SPATA6: variants seen among roughly 807,000 people sequenced by gnomAD.
SPATA6 encodes the protein spermatogenesis associated 6, also known as spermatogenesis-associated protein 6.
Under a neutral mutation model 65.3 loss-of-function variants are expected in SPATA6, and 56 were observed. The ratio of observed to expected loss-of-function variants is 0.86; its 90% CI spans 0.69 to 1.07. The LOEUF is 1.07. Among genes scored for constraint, SPATA6 ranks in the 50% least tolerant of loss-of-function variants. The pLI is 0.00. For synonymous variants in SPATA6, 199 were observed against 213.2 expected (o/e 0.93, Z 0.58); for missense variants, 590 against 594.8 (o/e 0.99, Z 0.08).
intron 11 of SPATA6, among the ~76,000 whole-genome samples, chr1:48,306,776 C>A (rs1479074558): frequency 6.6e-6 from 1 of 151,766 alleles, no homozygotes; most frequent in Non-Finnish European, 1.5e-5. Flanking sequence ...AGGAAGAGAG[C>A]ATTATGTGTA....
At chr1:48,416,534 ATATTT>A (rs1297640144) in intron 3 of SPATA6, among the ~76,000 whole-genome samples, 1 of 152,202 alleles carries the variant, frequency 6.6e-6, no homozygotes, top group Non-Finnish European at 1.5e-5. Flanking sequence ...CAAATAAATA[ATATTT>A]TATTTAAAAC....
At chr1:48,325,305 G>T (rs1645723068) in intron 11 of SPATA6, 1 of 1,132,488 alleles carries the variant, frequency 8.8e-7, no homozygotes, top group Non-Finnish European at 1.3e-6. Context: ...CTGGGAGCCT[G>T]CTTCACTGTG....
rs1569960917 is a variant in SPATA6 at position 48,297,811 on chromosome 1, T to G, written c.*902A>C. ...TACCACAAAGCGTTCTGCTATAATA[T>G]TTTACTCACATTGTGGTTCCAAGTG... On this transcript the variant is annotated 3_prime_UTR_variant, in exon 13 of 13. Coordinates refer to ENST00000371847, the MANE Select transcript of SPATA6 (RefSeq NM_019073.4). 6.6e-6 allele frequency: 1 copy of G among 152,128 alleles called. No individual in the cohort carries two copies. 9.4% of individuals were successfully genotyped at this position (152,128 alleles called of 1,614,324 possible). A position where few individuals can be genotyped will look rare whatever the true frequency, so the allele number is the denominator to read the frequency against.
At chr1:48,287,326 C>G in the SPATA6 span, among the ~76,000 whole-genome samples, 1 of 152,172 alleles carries the variant, frequency 6.6e-6, no homozygotes, top group Non-Finnish European at 1.5e-5. Flanking sequence ...GATCAAATCA[C>G]CTCCCACCAG....
chr1:48,437,060 C>T, intron 3 of SPATA6: 1 of 1,599,896 alleles, frequency 6.3e-7, no homozygotes, highest in Non-Finnish European at 8.6e-7. Context: ...AGTTTATTGT[C>T]CCATGTTTTC....
At chr1:48,405,045 C>T (rs894574166) in intron 5 of SPATA6, among the ~76,000 whole-genome samples, 2 of 152,334 alleles carry the variant, frequency 1.3e-5, no homozygotes, top group South Asian at 2.1e-4. Context: ...TTGGCCTCAA[C>T]AAATCAAGTC....
chr1:48,443,271 T>C (rs1299871440), intron 3 of SPATA6, among the ~76,000 whole-genome samples: 1 of 152,180 alleles, frequency 6.6e-6, no homozygotes, highest in South Asian at 2.1e-4. Context: ...AAAGTAAAGT[T>C]TGCTAAAAGT....
intron 1 of SPATA6, among the ~76,000 whole-genome samples, chr1:48,457,747 A>G (rs1168410189): frequency 2.0e-5 from 3 of 152,204 alleles, no homozygotes; most frequent in African/African-American, 7.2e-5. Flanking sequence ...AAATACTTAA[A>G]GAGAATCTTT....
the SPATA6 span, among the ~76,000 whole-genome samples, chr1:48,285,751 C>T: frequency 1.3e-5 from 2 of 152,160 alleles, no homozygotes; most frequent in Non-Finnish European, 2.9e-5. Flanking sequence ...CTTCAGCTTT[C>T]CCTCTGCAGG....
At chr1:48,423,672 C>T (rs1358635543) in intron 3 of SPATA6, among the ~76,000 whole-genome samples, 4 of 150,710 alleles carry the variant, frequency 2.7e-5, no homozygotes, top group Non-Finnish European at 4.4e-5. Context: ...CTCAGCCTCC[C>T]GAGTAGCTGG....
At chr1:48,416,479 G>A (rs192741321) in intron 3 of SPATA6, among the ~76,000 whole-genome samples, 59 of 152,254 alleles carry the variant, frequency 3.9e-4, no homozygotes, top group African/African-American at 1.4e-3. Flanking sequence ...GTGTGCATGT[G>A]TGTGTATATT....
rs757029032 is a variant in SPATA6, at chr1:48,453,021, G to A, written c.162C>T (p.Val54=). ...TQCVPATFPL[V]FNARMVFEKV... Reference sequence around the variant, plus strand: ...TTTCAAACACCATTCTGGCATTGAAGACCAGGGGAAAAGTGGCTGGGACAC... The same window carrying A: ...TTTCAAACACCATTCTGGCATTGAAAACCAGGGGAAAAGTGGCTGGGACAC... Residue 54 remains valine (V), a synonymous_variant, in exon 2 of 13, where the codon GTC becomes GTT. Coordinates refer to ENST00000371847, the MANE Select transcript of SPATA6 (RefSeq NM_019073.4). 10 of 1,613,848 alleles carry A rather than the reference G, an allele frequency of 6.2e-6. No individual in the cohort carries two copies. In the South Asian group the frequency reaches 8.8e-5, roughly 14 times the overall value.
rs2148632815 is a variant in SPATA6, at chr1:48,298,308, A to G, written c.*405T>C. On this transcript the variant is annotated 3_prime_UTR_variant, in exon 13 of 13. Transcript: ENST00000371847. ...TGTTCATCACCAAGAAAAGGTAGTC[A>G]ATATTAATTAAATCTTACACAGGCA... The G allele has an allele frequency of 6.5e-6, 1 of 153,822 alleles. No individual in the cohort carries two copies. The highest frequency in any genetic ancestry group is 1.4e-5 in the Non-Finnish European group (1 of 69,122). The allele number at this position is 153,822 out of a possible 1,614,324, so 9.5% of individuals were successfully genotyped here.
intron 10 of SPATA6, among the ~76,000 whole-genome samples, chr1:48,358,955 G>T (rs1646733167): frequency 6.6e-6 from 1 of 152,090 alleles, no homozygotes; most frequent in South Asian, 2.1e-4. Flanking sequence ...ACTTAACCAG[G>T]ATTGATTTCT....
intron 11 of SPATA6, among the ~76,000 whole-genome samples, chr1:48,349,034 C>T (rs934827819): frequency 6.6e-6 from 1 of 151,916 alleles, no homozygotes; most frequent in Non-Finnish European, 1.5e-5. Flanking sequence ...TATCAAACTC[C>T]TGGCACTTTG....
At chr1:48,340,058 A>G (rs1646166214) in intron 11 of SPATA6, among the ~76,000 whole-genome samples, 1 of 151,892 alleles carries the variant, frequency 6.6e-6, no homozygotes, top group African/African-American at 2.4e-5. Context: ...GAATAAGACT[A>G]ACAACACACT....
At chr1:48,388,039 G>A (rs922985341) in intron 8 of SPATA6, among the ~76,000 whole-genome samples, 4 of 152,086 alleles carry the variant, frequency 2.6e-5, no homozygotes, top group Admixed American at 6.5e-5. Context: ...CAGTCCACCA[G>A]GACCAGCTAA....
chr1:48,267,953 G>T, the SPATA6 span, among the ~76,000 whole-genome samples: 3 of 151,580 alleles, frequency 2.0e-5, no homozygotes, highest in Admixed American at 6.6e-5. Flanking sequence ...GGGTTTCACC[G>T]TGTTAGCCAG....
chr1:48,353,198 A>G (rs1397478025), intron 11 of SPATA6, among the ~76,000 whole-genome samples: 1 of 151,962 alleles, frequency 6.6e-6, no homozygotes. Flanking sequence ...GATGCCTGAT[A>G]ATAGATAAGC....
Sources: allele counts gnomAD v4.1 joint callset (sites outside exome capture counted in the v4.1 genomes callset), GRCh38; gene constraint gnomAD v4.1.1; transcripts MANE v1.5; gene names NCBI Gene and HGNC (gene_info 2026-07-23, HGNC 2026-07-21).